GADL1: variants seen among roughly 807,000 people sequenced by gnomAD.
GADL1 encodes the protein acidic amino acid decarboxylase GADL1.
GADL1 carries 71 observed loss-of-function variants against 69.5 expected under a neutral mutation model. The observed-to-expected ratio is 1.02, with a 90% CI of 0.84 to 1.25. The LOEUF is 1.25. GADL1 is among the 50% of genes most tolerant of loss of function. GADL1 has a pLI of 0.00. For synonymous variants in GADL1, 254 were observed against 214.4 expected (o/e 1.18, Z -1.62); for missense variants, 737 against 631.8 (o/e 1.17, Z -1.79).
chr3:30,836,409 A>AC (rs1697875122), intron 9 of GADL1, among the ~76,000 whole-genome samples: 1 of 151,060 alleles, frequency 6.6e-6, no homozygotes, highest in Non-Finnish European at 1.5e-5. Flanking sequence ...AAAAAAAAAA[A>AC]ACACCCCTGA....
chr3:30,844,972 A>AT, intron 6 of GADL1, among the ~76,000 whole-genome samples: 1 of 152,150 alleles, frequency 6.6e-6, no homozygotes, highest in Middle Eastern at 3.4e-3. Context: ...GAAACCCTCT[A>AT]AGGAGAGGGC....
chr3:30,821,099 C>T (rs4955339), intron 11 of GADL1, among the ~76,000 whole-genome samples: 55,330 of 151,770 alleles, frequency 0.36, 13,860 homozygotes, highest in African/African-American at 0.68. Context: ...CCACATGTTC[C>T]CACTCATAGG....
chr3:30,846,386 A>G (rs1698058520), intron 6 of GADL1, among the ~76,000 whole-genome samples: 1 of 152,146 alleles, frequency 6.6e-6, no homozygotes, highest in African/African-American at 2.4e-5. Context: ...CATGAAAGAG[A>G]GCATTGAGCT....
At chr3:30,740,918 TA>T (rs1306965123) in intron 14 of GADL1, among the ~76,000 whole-genome samples, 3 of 139,648 alleles carry the variant, frequency 2.1e-5, no homozygotes, top group Non-Finnish European at 4.5e-5. Flanking sequence ...ATCTAATATA[TA>T]AAAAACAAAT....
At chr3:30,889,909 A>T (rs1426994496) in intron 1 of GADL1, among the ~76,000 whole-genome samples, 1 of 152,194 alleles carries the variant, frequency 6.6e-6, no homozygotes, top group African/African-American at 2.4e-5. Flanking sequence ...AATCAAAAGA[A>T]TTTAAGGAAT....
intron 14 of GADL1, among the ~76,000 whole-genome samples, chr3:30,758,514 A>C (rs1223608797): frequency 6.6e-6 from 1 of 150,726 alleles, no homozygotes; most frequent in Admixed American, 6.5e-5. Flanking sequence ...AAAACATGAG[A>C]TGGTAACTAC....
At chr3:30,867,439 T>TATATATATATAC (rs1319135425) in intron 1 of GADL1, among the ~76,000 whole-genome samples, 15 of 138,844 alleles carry the variant, frequency 1.1e-4, no homozygotes, top group South Asian at 9.4e-4. Context: ...TATATATATA[T>TATATATATATAC]ACACATATAT....
At chr3:30,860,470 C>T (rs1483619011) in intron 2 of GADL1, among the ~76,000 whole-genome samples, 1 of 151,862 alleles carries the variant, frequency 6.6e-6, no homozygotes, top group East Asian at 1.9e-4. Flanking sequence ...TTCACAAGTA[C>T]AGAGAAGAAC....
chr3:30,874,266 C>G (rs1004097250), intron 1 of GADL1, among the ~76,000 whole-genome samples: 1 of 151,978 alleles, frequency 6.6e-6, no homozygotes, highest in African/African-American at 2.4e-5. Context: ...GTAACACAAA[C>G]TACATTATAG....
chr3:30,882,156 TGTG>T (rs1384982421), intron 1 of GADL1, among the ~76,000 whole-genome samples: 1 of 151,718 alleles, frequency 6.6e-6, no homozygotes, highest in Non-Finnish European at 1.5e-5. Flanking sequence ...TATTTTTTAT[TGTG>T]GTAAAACATG....
chr3:30,876,750 T>C (rs1487178542), intron 1 of GADL1, among the ~76,000 whole-genome samples: 1 of 151,962 alleles, frequency 6.6e-6, no homozygotes, highest in Non-Finnish European at 1.5e-5. Context: ...TCAGCATCCT[T>C]CAACCAATAA....
chr3:30,774,559 G>A (rs1414065478), intron 14 of GADL1, among the ~76,000 whole-genome samples: 1 of 150,770 alleles, frequency 6.6e-6, no homozygotes, highest in Non-Finnish European at 1.5e-5. Flanking sequence ...CATTCACTGT[G>A]TTTCTAAGAG....
chr3:30,745,400 C>T (rs1259939671), intron 14 of GADL1, among the ~76,000 whole-genome samples: 3 of 152,130 alleles, frequency 2.0e-5, no homozygotes, highest in Non-Finnish European at 4.4e-5. Flanking sequence ...CATGGAAATG[C>T]TTTATTTTTA....
intron 1 of GADL1, among the ~76,000 whole-genome samples, chr3:30,889,453 G>A (rs948440618): frequency 6.6e-6 from 1 of 152,168 alleles, no homozygotes; most frequent in African/African-American, 2.4e-5. Context: ...AACAATTAGG[G>A]AACACTTACA....
chr3:30,890,630 A>G (rs1263308621), intron 1 of GADL1, among the ~76,000 whole-genome samples: 1 of 152,162 alleles, frequency 6.6e-6, no homozygotes, highest in African/African-American at 2.4e-5. Flanking sequence ...TAAAACTGAA[A>G]GCCCAAATTA....
chr3:30,753,506 T>C (rs186380389), intron 14 of GADL1, among the ~76,000 whole-genome samples: 2,005 of 123,746 alleles, frequency 0.016, 45 homozygotes, highest in African/African-American at 0.061. Context: ...GGAAGGATAG[T>C]TTCTTTGTAG....
chr3:30,765,890 C>A (rs1160500819), intron 14 of GADL1, among the ~76,000 whole-genome samples: 1 of 152,128 alleles, frequency 6.6e-6, no homozygotes, highest in Non-Finnish European at 1.5e-5. Flanking sequence ...TCTAGCTTGA[C>A]ATAATCTTTC....
rs76837951 is a variant in GADL1 at position 30,881,019 on chromosome 3, T to A, written c.37+13559A>T. Among the ~76,000 whole-genome samples the A allele has an allele frequency of 0.016, 2,471 of 152,000 alleles. 106 individuals carry two copies. The East Asian group carries it at 0.16, about 10-fold the overall frequency. ...AAAGTAAGGAAAGAAAGCATAGGCA[T>A]TGTCCTTTTCCCTAAGGGTTAGAGA... is the stretch of plus-strand genomic sequence containing the variant. On this transcript the variant is annotated intron_variant, in intron 1 of 14. Coordinates refer to ENST00000282538, the MANE Select transcript of GADL1 (RefSeq NM_207359.3).
chr3:30,799,237 T>C (rs1213409774), intron 12 of GADL1: 7 of 152,282 alleles, frequency 4.6e-5, no homozygotes, highest in Admixed American at 2.0e-4. Context: ...AGCAAACTTT[T>C]ATCTGGGCAT....
Sources: allele counts gnomAD v4.1 joint callset (sites outside exome capture counted in the v4.1 genomes callset), GRCh38; gene constraint gnomAD v4.1.1; transcripts MANE v1.5; gene names NCBI Gene and HGNC (gene_info 2026-07-23, HGNC 2026-07-21).